Variants in VAPB observed in about 807,000 individuals in gnomAD.
VAPB encodes the protein vesicle-associated membrane protein-associated protein B/C.
Under a neutral mutation model 25.6 loss-of-function variants are expected in VAPB, and 7 were observed. The ratio of observed to expected loss-of-function variants is 0.27; its 90% CI spans 0.16 to 0.51. The LOEUF (loss-of-function observed/expected upper bound fraction) is 0.51. VAPB is among the 20% of genes least tolerant of loss of function. The pLI, the probability that VAPB is intolerant of heterozygous loss-of-function variation, is 0.97. For synonymous variants in VAPB, 112 were observed against 109.2 expected (o/e 1.03, Z -0.16); for missense variants, 266 against 301.3 (o/e 0.88, Z 0.87).
intron 1 of VAPB, among the ~76,000 whole-genome samples, chr20:58,390,752 T>G (rs73177687): frequency 0.034 from 5,130 of 152,262 alleles, 126 homozygotes; most frequent in Non-Finnish European, 0.051. Context: ...TATGTCCTAT[T>G]GGGAAGTAGT....
intron 1 of VAPB, among the ~76,000 whole-genome samples, chr20:58,410,986 A>G (rs1988364634): frequency 6.6e-6 from 1 of 152,228 alleles, no homozygotes; most frequent in South Asian, 2.1e-4. Context: ...GCTGCTATAA[A>G]CATCCATGTG....
At chr20:58,439,172 T>C (rs1989109598) in intron 4 of VAPB, 147 bp downstream of exon 4, 1 of 717,698 alleles carries the variant, frequency 1.4e-6, no homozygotes, top group East Asian at 2.7e-5. Flanking sequence ...AGTCAGCAAA[T>C]AAGTGGGCCT....
In VAPB at chr20:58,435,836, G is replaced by A. The variant is rs1054859941; in HGVS notation, c.315+1131G>A. On this transcript the variant is annotated intron_variant, in intron 3 of 5. Transcript: ENST00000475243. ...ATGATGTGTTACTTCATGTTAATTTGTGTGATCAAAGAAACATGGCAGATA... is the reference window on the plus strand; with the variant it reads ...ATGATGTGTTACTTCATGTTAATTTATGTGATCAAAGAAACATGGCAGATA... Among the ~76,000 whole-genome samples, 7 of 152,144 alleles carry A rather than the reference G, an allele frequency of 4.6e-5. No homozygotes were observed. In the South Asian group the frequency reaches 1.5e-3, roughly 32 times the overall value.
intron 1 of VAPB, among the ~76,000 whole-genome samples, chr20:58,395,255 G>A (rs952733412): frequency 6.7e-6 from 1 of 149,958 alleles, no homozygotes; most frequent in East Asian, 2.0e-4. Flanking sequence ...GGGTTCAAAC[G>A]ATTCTCCTGC....
rs1021820110 is a variant in VAPB, at chr20:58,445,825, A to G, written c.*1590A>G. The G allele has an allele frequency of 1.1e-5, 5 of 453,852 alleles. No individual in the cohort carries two copies. Among genetic ancestry groups the G allele is most frequent in the Non-Finnish European group, 2.2e-5 (5 of 226,770 alleles). The allele number at this position is 453,852 out of a possible 1,614,324, so 28.1% of individuals were successfully genotyped here. A position where few individuals can be genotyped will look rare whatever the true frequency, so the allele number is the denominator to read the frequency against. On this transcript the variant is annotated 3_prime_UTR_variant, in exon 6 of 6. Transcript: ENST00000475243. ...CCTTCCATTGCTTTGGCCTTCAGTA[A>G]AAAGCAGCCTCCCTTCTAGGTCAGG...
At chr20:58,396,843 T>C (rs1987969140) in intron 1 of VAPB, among the ~76,000 whole-genome samples, 1 of 152,246 alleles carries the variant, frequency 6.6e-6, no homozygotes, top group Admixed American at 6.5e-5. Flanking sequence ...TACTGTTTAA[T>C]CTGTGTAACA....
rs558611632 is a variant in VAPB at position 58,417,814 on chromosome 20, A to C, written c.59-397A>C. ...ATTTCATATTGTTACTGTGGAAATC[A>C]GTATTTAGCATGGGTAAGAACTGGC... On this transcript the variant is annotated intron_variant, in intron 1 of 5. Transcript: ENST00000475243. Among the ~76,000 whole-genome samples, 5 of 152,332 alleles carry C rather than the reference A, an allele frequency of 3.3e-5. No homozygotes were observed. In the South Asian group the frequency reaches 1.0e-3, roughly 32 times the overall value.
chr20:58,425,493 G>A (rs1158841661), intron 2 of VAPB, among the ~76,000 whole-genome samples: 1 of 152,228 alleles, frequency 6.6e-6, no homozygotes, highest in Non-Finnish European at 1.5e-5. Context: ...CAGAATGTGA[G>A]CTATTAAAAC....
intron 1 of VAPB, among the ~76,000 whole-genome samples, chr20:58,393,568 G>GT (rs1384973966): frequency 6.6e-6 from 1 of 152,032 alleles, no homozygotes; most frequent in Non-Finnish European, 1.5e-5. Context: ...CCTTCCATGA[G>GT]AGTCCATCTG....
intron 1 of VAPB, among the ~76,000 whole-genome samples, chr20:58,401,470 C>T (rs1202834661): frequency 3.3e-5 from 5 of 152,294 alleles, no homozygotes; most frequent in South Asian, 4.1e-4. Flanking sequence ...CTACATCTCC[C>T]ATTGCATGTT....
At chr20:58,435,226 G>C (rs1221832940) in intron 3 of VAPB, among the ~76,000 whole-genome samples, 1 of 151,046 alleles carries the variant, frequency 6.6e-6, no homozygotes, top group Non-Finnish European at 1.5e-5. Context: ...CTCTAATTTT[G>C]ATAAAATTAA....
At chr20:58,421,284 T>A (rs2268918) in intron 2 of VAPB, among the ~76,000 whole-genome samples, 32,928 of 152,156 alleles carry the variant, frequency 0.22, 4,399 homozygotes, top group South Asian at 0.42. Context: ...AGTGGTACAT[T>A]TGTACGTTCG....
intron 1 of VAPB, among the ~76,000 whole-genome samples, chr20:58,414,723 C>T (rs1337838940): frequency 1.3e-5 from 2 of 151,584 alleles, no homozygotes; most frequent in East Asian, 2.0e-4. Flanking sequence ...CGGTCGGAGA[C>T]GCTCCTCACC....
intron 2 of VAPB, among the ~76,000 whole-genome samples, chr20:58,427,431 GA>G (rs1227786222): frequency 6.7e-6 from 1 of 150,086 alleles, no homozygotes; most frequent in African/African-American, 2.5e-5. Flanking sequence ...TTATGATGCA[GA>G]CGAAAGTGAT....
chr20:58,448,452 T>C lies in VAPB; in HGVS notation c.*4217T>C, dbSNP rs1292974458. ...TTTCCAATACATTCGCTCATTGAAC[T>C]TAATCCTTGCAACTGTGACTGGGGG... On this transcript the variant is annotated 3_prime_UTR_variant, in exon 6 of 6. Transcript: ENST00000475243. 2.2e-6 allele frequency: 1 copy of C among 454,138 alleles called. No homozygotes were observed. The highest frequency in any genetic ancestry group is 4.4e-6 in the Non-Finnish European group (1 of 226,794). The allele number at this position is 454,138 out of a possible 1,614,324, so 28.1% of individuals were successfully genotyped here.
intron 1 of VAPB, among the ~76,000 whole-genome samples, chr20:58,395,441 G>C (rs6026233): frequency 1.2e-4 from 19 of 152,136 alleles, no homozygotes; most frequent in Non-Finnish European, 2.4e-4. Context: ...GAGCCTCTGC[G>C]CCAGGCCAAG....
chr20:58,398,667 G>C (rs1445751478), intron 1 of VAPB, among the ~76,000 whole-genome samples: 1 of 152,212 alleles, frequency 6.6e-6, no homozygotes, highest in Non-Finnish European at 1.5e-5. Flanking sequence ...GATGGCATTT[G>C]AGATATGTGA....
chr20:58,411,565 C>T (rs1988378764), intron 1 of VAPB, among the ~76,000 whole-genome samples: 1 of 152,250 alleles, frequency 6.6e-6, no homozygotes, highest in Non-Finnish European at 1.5e-5. Context: ...AGCCACCGCA[C>T]CCGGCCAGAC....
intron 3 of VAPB, among the ~76,000 whole-genome samples, chr20:58,435,002 T>C (rs1262403110): frequency 1.3e-5 from 2 of 152,284 alleles, no homozygotes; most frequent in East Asian, 3.9e-4. Flanking sequence ...AGGGATTGCC[T>C]TCTTTCGCCT....
Sources: gnomAD v4.1 joint callset for allele counts (sites outside exome capture counted in the v4.1 genomes callset) on GRCh38, gnomAD v4.1.1 for gene constraint, MANE v1.5 for transcripts, NCBI Gene and HGNC (gene_info 2026-07-23, HGNC 2026-07-21) for gene names.